Variants in PIBF1 observed in about 807,000 individuals in gnomAD.
PIBF1 encodes progesterone-induced-blocking factor 1.
In PIBF1, 90 loss-of-function variants were observed where a neutral mutation model predicts 112.5. The observed-to-expected ratio is 0.80, with a 90% CI of 0.67 to 0.95. The LOEUF (loss-of-function observed/expected upper bound fraction) is 0.95, where lower values mean the gene tolerates loss of function less well. Ranked by LOEUF, PIBF1 falls within the 40% of genes least tolerant of loss-of-function variation. The probability of loss-of-function intolerance (pLI) is 0.00; values close to 1 mark genes in which losing one functional copy is unlikely to be tolerated. For missense variants in PIBF1, 915 were observed against 852.3 expected, an observed-to-expected ratio of 1.07 and a Z score of -0.92; for synonymous variants, 301 against 288.6, an observed-to-expected ratio of 1.04 and a Z score of -0.44.
intron 10 of PIBF1, among the ~76,000 whole-genome samples, chr13:72,856,492 G>T (rs1287315633): frequency 6.6e-6 from 1 of 152,112 alleles, no homozygotes. Flanking sequence ...AAAAAAAGGT[G>T]TTTCTAGACA....
At chr13:72,955,317 G>C (rs930977532) in intron 14 of PIBF1, among the ~76,000 whole-genome samples, 16 of 151,748 alleles carry the variant, frequency 1.1e-4, no homozygotes, top group Non-Finnish European at 2.4e-4. Context: ...GCTAGTATTT[G>C]TTATTTAAAT....
At chr13:72,896,064 C>A (rs960788368) in intron 11 of PIBF1, among the ~76,000 whole-genome samples, 2 of 152,078 alleles carry the variant, frequency 1.3e-5, no homozygotes, top group African/African-American at 4.8e-5. Context: ...CCTCCTAGGC[C>A]ACCTCCACCA....
At chr13:72,859,728 A>C (rs1363472092) in intron 10 of PIBF1, among the ~76,000 whole-genome samples, 1 of 152,198 alleles carries the variant, frequency 6.6e-6, no homozygotes, top group East Asian at 1.9e-4. Context: ...AATGACCTGC[A>C]TGGTTTCAAT....
rs148107663 is a variant in PIBF1, at chr13:72,877,978, A to G, written c.1323-15806A>G. Reference sequence around the variant, plus strand: ...TGGTCAGGCTGGTCTTGAACTCCCAACCTCAGGTGATCCGCCCACCTCGGC... The same window carrying G: ...TGGTCAGGCTGGTCTTGAACTCCCAGCCTCAGGTGATCCGCCCACCTCGGC... On this transcript the variant is annotated intron_variant, in intron 10 of 17. Transcript: ENST00000326291. Among the ~76,000 whole-genome samples the G allele has an allele frequency of 8.6e-5, 13 of 151,842 alleles. No homozygotes were observed. The East Asian group carries it at 2.3e-3, about 27-fold the overall frequency.
rs962131362 is a variant in PIBF1, at chr13:72,782,229, C to G, written c.-168C>G. 2 of 189,728 alleles carry G rather than the reference C, an allele frequency of 1.1e-5. No homozygotes were observed. The highest frequency in any genetic ancestry group is 6.1e-5 in the Admixed American group (1 of 16,458). The allele number at this position is 189,728 out of a possible 1,614,324, so 11.8% of individuals were successfully genotyped here. ...GTTACGGGTCCTAACGGTCCCCTGC[C>G]TTGAAATCCCTTGTTGAGGGCCTGC... On this transcript the variant is annotated 5_prime_UTR_variant, in exon 1 of 18. Transcript: ENST00000326291.
intron 12 of PIBF1, 83 bp downstream of exon 12, chr13:72,908,764 T>A: frequency 7.6e-7 from 1 of 1,309,140 alleles, no homozygotes; most frequent in African/African-American, 1.5e-5. Context: ...AAAACTACTT[T>A]GGGATCAGGC....
At chr13:72,870,864 T>A (rs577763919) in intron 10 of PIBF1, among the ~76,000 whole-genome samples, 1 of 152,012 alleles carries the variant, frequency 6.6e-6, no homozygotes, top group South Asian at 2.1e-4. Context: ...TTCACCTGAT[T>A]CAGAGTGTAC....
At chr13:72,909,744 G>A (rs908470268) in intron 12 of PIBF1, among the ~76,000 whole-genome samples, 3 of 151,932 alleles carry the variant, frequency 2.0e-5, no homozygotes, top group African/African-American at 4.8e-5. Flanking sequence ...TGCCCGCCTC[G>A]ACCTCCCAAA....
intron 10 of PIBF1, among the ~76,000 whole-genome samples, chr13:72,887,626 T>C (rs2039907908): frequency 6.6e-6 from 1 of 152,076 alleles, no homozygotes; most frequent in Admixed American, 6.6e-5. Flanking sequence ...CTTAATTTTT[T>C]ATTTTTAAAT....
chr13:72,841,379 T>C (rs760364209), intron 9 of PIBF1, among the ~76,000 whole-genome samples: 2 of 152,164 alleles, frequency 1.3e-5, no homozygotes, highest in Non-Finnish European at 2.9e-5. Context: ...ATGAAAGAGA[T>C]TTGGATCAAA....
chr13:73,000,017 G>A (rs1346604070), intron 17 of PIBF1, among the ~76,000 whole-genome samples: 1 of 152,192 alleles, frequency 6.6e-6, no homozygotes, highest in Non-Finnish European at 1.5e-5. Flanking sequence ...CACCACCTTG[G>A]CGAGAGAGTG....
At chr13:72,856,439 G>A (rs182708506) in intron 10 of PIBF1, among the ~76,000 whole-genome samples, 1 of 152,184 alleles carries the variant, frequency 6.6e-6, no homozygotes, top group East Asian at 1.9e-4. Flanking sequence ...CCAATTTTCA[G>A]CCAACCTTAA....
intron 14 of PIBF1, among the ~76,000 whole-genome samples, chr13:72,957,491 A>G (rs911119566): frequency 6.6e-6 from 1 of 152,128 alleles, no homozygotes. Flanking sequence ...AGAATGATAC[A>G]GTGGACTTTG....
At chr13:72,840,358 T>TTG (rs1029715767) in intron 9 of PIBF1, among the ~76,000 whole-genome samples, 16 of 151,880 alleles carry the variant, frequency 1.1e-4, no homozygotes, top group African/African-American at 3.4e-4. Flanking sequence ...ACATTTAAGG[T>TTG]TGTGTGTGTG....
At chr13:72,996,097 G>GA (rs1302481485) in intron 16 of PIBF1, among the ~76,000 whole-genome samples, 6 of 112,656 alleles carry the variant, frequency 5.3e-5, no homozygotes, top group Non-Finnish European at 7.2e-5. Context: ...CGGGGGGGGG[G>GA]GGTCATAAAC....
At chr13:72,806,601 T>A (rs2035748300) in intron 5 of PIBF1, among the ~76,000 whole-genome samples, 1 of 152,062 alleles carries the variant, frequency 6.6e-6, no homozygotes, top group Non-Finnish European at 1.5e-5. Context: ...CACCTCCCAC[T>A]TATGAGTGAA....
intron 8 of PIBF1, among the ~76,000 whole-genome samples, chr13:72,834,457 C>G (rs1309773351): frequency 1.3e-5 from 2 of 151,954 alleles, no homozygotes; most frequent in Non-Finnish European, 2.9e-5. Context: ...AACCCTGTCT[C>G]TATAAAAAAA....
intron 14 of PIBF1, among the ~76,000 whole-genome samples, chr13:72,956,233 T>C (rs1306474750): frequency 1.3e-5 from 2 of 152,132 alleles, no homozygotes; most frequent in African/African-American, 4.8e-5. Context: ...ATTATCTCCA[T>C]TGCAGATCAC....
intron 13 of PIBF1, among the ~76,000 whole-genome samples, chr13:72,927,064 CTTTT>C (rs555171205): frequency 7.0e-6 from 1 of 141,898 alleles, no homozygotes. Flanking sequence ...TAGTAATTTC[CTTTT>C]TTTTTTTTTT....
Sources: gnomAD v4.1 joint callset for allele counts (sites outside exome capture counted in the v4.1 genomes callset) on GRCh38, gnomAD v4.1.1 for gene constraint, MANE v1.5 for transcripts, NCBI Gene and HGNC (gene_info 2026-07-23, HGNC 2026-07-21) for gene names.